The following WWTR1 variants were observed in gnomAD, a reference collection of about 807,000 sequenced individuals.
WWTR1 encodes WW domain containing transcription regulator 1, also known as WW domain-containing transcription regulator protein 1.
Under a neutral mutation model 40.1 loss-of-function variants are expected in WWTR1, and 13 were observed. That is an observed-to-expected ratio of 0.32 (90% confidence interval 0.21 to 0.52). WWTR1 has a LOEUF of 0.52. Among genes scored for constraint, WWTR1 ranks in the 20% least tolerant of loss-of-function variants. The probability of loss-of-function intolerance (pLI) is 0.97; values close to 1 mark genes in which losing one functional copy is unlikely to be tolerated. For synonymous variants in WWTR1, 230 were observed against 210.1 expected (o/e 1.09, Z -0.82); for missense variants, 436 against 523.1 (o/e 0.83, Z 1.63).
intron 5 of WWTR1, among the ~76,000 whole-genome samples, chr3:149,716,152 A>G (rs1715603562): frequency 6.6e-6 from 1 of 151,970 alleles, no homozygotes; most frequent in Non-Finnish European, 1.5e-5. Flanking sequence ...GGAGGCCGAG[A>G]TGGGTGGATC....
At chr3:149,564,884 C>T (rs1737239670) in intron 3 of WWTR1, among the ~76,000 whole-genome samples, 1 of 152,108 alleles carries the variant, frequency 6.6e-6, no homozygotes. Context: ...TATTTCACTG[C>T]TTATAAATAT....
rs1397194965 is a variant in WWTR1 at position 149,542,335 on chromosome 3, C to A, written c.771G>T (p.Gln257His). The change falls in exon 4 of 7, where the codon CAG (glutamine) becomes CAT (histidine). Residue 257 changes from glutamine to histidine, a missense_variant and splice_region_variant. By Grantham distance (24) the Gln-to-His change is conservative. Coordinates refer to ENST00000360632, the MANE Select transcript of WWTR1 (RefSeq NM_015472.6). ...IRMRQEELMR[Q>H]EAALCRQLPM... ...CACCAGACACCATGGAAAGCCATAC[C>A]TGCCTCATGAGCTCCTCTTGGCGCA... The A allele has an allele frequency of 6.2e-7, 1 of 1,612,364 alleles. No homozygotes were observed. Among genetic ancestry groups the A allele is most frequent in the Non-Finnish European group, 8.5e-7 (1 of 1,179,312 alleles).
intron 1 of WWTR1, among the ~76,000 whole-genome samples, chr3:149,700,590 C>T (rs1169075876): frequency 4.7e-5 from 7 of 147,662 alleles, no homozygotes; most frequent in Non-Finnish European, 7.4e-5. Flanking sequence ...CTGAAAAAGA[C>T]AAAAAAATTA....
intron 2 of WWTR1, among the ~76,000 whole-genome samples, chr3:149,669,525 T>A (rs905484624): frequency 6.6e-6 from 1 of 152,094 alleles, no homozygotes; most frequent in East Asian, 1.9e-4. Flanking sequence ...TAGAGTCCAG[T>A]GGGAGGGAAA....
intron 4 of WWTR1, among the ~76,000 whole-genome samples, chr3:149,538,652 C>G (rs1466352922): frequency 6.6e-6 from 1 of 152,132 alleles, no homozygotes; most frequent in Non-Finnish European, 1.5e-5. Context: ...CTCTTTTGAT[C>G]CTAATTCTGT....
At chr3:149,713,572 A>T (rs1241195650) in intron 5 of WWTR1, among the ~76,000 whole-genome samples, 1 of 151,888 alleles carries the variant, frequency 6.6e-6, no homozygotes, top group Non-Finnish European at 1.5e-5. Context: ...GTAGAGACAG[A>T]GTTTCGCCAT....
chr3:149,606,631 T>G (rs1213705998), intron 2 of WWTR1, among the ~76,000 whole-genome samples: 1 of 152,144 alleles, frequency 6.6e-6, no homozygotes. Flanking sequence ...TCAAACCAAG[T>G]GCTGAGAATA....
intron 5 of WWTR1, among the ~76,000 whole-genome samples, chr3:149,717,070 C>T (rs115302962): frequency 0.016 from 2,420 of 152,074 alleles, 68 homozygotes; most frequent in African/African-American, 0.056. Context: ...TGGGGGCTGA[C>T]GTGGGAGGAT....
chr3:149,526,142 G>T lies in WWTR1; in HGVS notation c.906-17C>A, dbSNP rs372073052. ...TATGGCCCTCTGCAAAGCAAAAGATGAAGAAACTTCAATATGAGCCCACTA... is the reference window on the plus strand; with the variant it reads ...TATGGCCCTCTGCAAAGCAAAAGATTAAGAAACTTCAATATGAGCCCACTA... On this transcript the variant is annotated splice_polypyrimidine_tract_variant and intron_variant, in intron 5 of 6. Transcript: ENST00000360632. The T allele has an allele frequency of 2.1e-4, 319 of 1,555,392 alleles. No homozygotes were observed. Among genetic ancestry groups the T allele is most frequent in the Middle Eastern group, 1.7e-3 (10 of 5,854 alleles).
chr3:149,585,051 C>G (rs1292943913), intron 2 of WWTR1, among the ~76,000 whole-genome samples: 1 of 151,548 alleles, frequency 6.6e-6, no homozygotes, highest in Non-Finnish European at 1.5e-5. Flanking sequence ...ACAATGAACA[C>G]AAGAAAATGG....
chr3:149,559,049 T>A (rs969063352), intron 3 of WWTR1, among the ~76,000 whole-genome samples: 4 of 152,012 alleles, frequency 2.6e-5, no homozygotes, highest in Non-Finnish European at 5.9e-5. Flanking sequence ...TTCCCAGCAC[T>A]TTGGGAGGCC....
chr3:149,527,795 TA>T (rs747862113), intron 5 of WWTR1, 40 bp downstream of exon 5: 1 of 1,611,564 alleles, frequency 6.2e-7, no homozygotes, highest in Admixed American at 1.7e-5. Flanking sequence ...GATCACATAA[TA>T]AAGAGAATAA....
At chr3:149,648,197 T>C (rs1378012186) in intron 2 of WWTR1, among the ~76,000 whole-genome samples, 2 of 152,210 alleles carry the variant, frequency 1.3e-5, no homozygotes, top group African/African-American at 4.8e-5. Flanking sequence ...CTGACATTAA[T>C]CTTGCAGTCA....
intron 1 of WWTR1, chr3:149,701,791 A>T (rs960735803): frequency 1.1e-5 from 2 of 174,226 alleles, no homozygotes; most frequent in Non-Finnish European, 2.5e-5. Flanking sequence ...ACATCCTCTT[A>T]AAATGGGCCC....
At chr3:149,522,497 T>A (rs185495710) in intron 6 of WWTR1, among the ~76,000 whole-genome samples, 1 of 152,268 alleles carries the variant, frequency 6.6e-6, no homozygotes, top group East Asian at 1.9e-4. Context: ...CTCAATATAG[T>A]GTTACTGATA....
At chr3:149,708,010 CCTCT>C (rs1298616245), upstream of WWTR1, among the ~76,000 whole-genome samples, 2 of 152,088 alleles carry the variant, frequency 1.3e-5, no homozygotes, top group Non-Finnish European at 2.9e-5. Flanking sequence ...TAACCAGTGC[CCTCT>C]CTCGTCTAAT....
chr3:149,659,155 G>C (rs1301466083), upstream of WWTR1, among the ~76,000 whole-genome samples: 1 of 152,056 alleles, frequency 6.6e-6, no homozygotes, highest in Non-Finnish European at 1.5e-5. Flanking sequence ...GGGAGATGGC[G>C]AGGTAAGCCA....
At chr3:149,563,650 A>G (rs894838956) in intron 3 of WWTR1, among the ~76,000 whole-genome samples, 1 of 152,252 alleles carries the variant, frequency 6.6e-6, no homozygotes, top group Non-Finnish European at 1.5e-5. Flanking sequence ...AGTCCTTTTC[A>G]GATAAATTAA....
At chr3:149,613,730 T>A (rs1739841588) in intron 2 of WWTR1, among the ~76,000 whole-genome samples, 1 of 152,032 alleles carries the variant, frequency 6.6e-6, no homozygotes, top group African/African-American at 2.4e-5. Context: ...TAATTTTTTG[T>A]AGAAATGAGG....
Sources: allele counts gnomAD v4.1 joint callset (sites outside exome capture counted in the v4.1 genomes callset), GRCh38; gene constraint gnomAD v4.1.1; transcripts MANE v1.5; gene names NCBI Gene and HGNC (gene_info 2026-07-23, HGNC 2026-07-21).